Variants in ETV6 observed in about 807,000 individuals in gnomAD.
ETV6 encodes ETS variant transcription factor 6.
ETV6 carries 16 observed loss-of-function variants against 51.1 expected under a neutral mutation model. The ratio of observed to expected loss-of-function variants is 0.31; its 90% confidence interval spans 0.21 to 0.48. The LOEUF is 0.48. Ranked by LOEUF, ETV6 falls within the 20% of genes least tolerant of loss-of-function variation. The pLI, the probability that ETV6 is intolerant of heterozygous loss-of-function variation, is 0.99. For synonymous variants in ETV6, 240 were observed against 224.1 expected (o/e 1.07, Z -0.64); for missense variants, 458 against 594.8 (o/e 0.77, Z 2.39).
chr12:11,842,198 C>T (rs374473846), intron 3 of ETV6, among the ~76,000 whole-genome samples: 1 of 152,138 alleles, frequency 6.6e-6, no homozygotes, highest in African/African-American at 2.4e-5. Flanking sequence ...GAACATCACT[C>T]ACCATGCCTC....
At chr12:11,796,522 G>C (rs1945678554) in intron 2 of ETV6, among the ~76,000 whole-genome samples, 1 of 152,094 alleles carries the variant, frequency 6.6e-6, no homozygotes, top group Non-Finnish European at 1.5e-5. Context: ...AAATAAAATA[G>C]TGGAAACCAC....
intron 1 of ETV6, among the ~76,000 whole-genome samples, chr12:11,718,678 G>A (rs962440625): frequency 6.6e-6 from 1 of 151,982 alleles, no homozygotes; most frequent in African/African-American, 2.4e-5. Context: ...GGAGGCTGAG[G>A]TGGGAGGCTT....
At chr12:11,769,051 T>C (rs1945203772) in intron 2 of ETV6, 2 of 431,174 alleles carry the variant, frequency 4.6e-6, no homozygotes, top group South Asian at 3.3e-5. Flanking sequence ...GAGAAAAAAC[T>C]TGGATAATAA....
intron 1 of ETV6, among the ~76,000 whole-genome samples, chr12:11,674,056 A>C (rs896241338): frequency 2.6e-5 from 4 of 152,188 alleles, no homozygotes; most frequent in African/African-American, 9.7e-5. Flanking sequence ...TACAAATCGT[A>C]ATGCATATTT....
chr12:11,870,887 A>G (rs1468244986), intron 5 of ETV6, among the ~76,000 whole-genome samples: 1 of 152,204 alleles, frequency 6.6e-6, no homozygotes, highest in Non-Finnish European at 1.5e-5. Flanking sequence ...TTGAGCACCT[A>G]CTGTCTGCCA....
rs549855193 is a variant in ETV6 at position 11,766,067 on chromosome 12, G to A, written c.163+13488G>A. 2.6e-5 allele frequency among the ~76,000 whole-genome samples: 4 copies of A among 152,334 alleles called. No individual in the cohort carries two copies. In the South Asian group the frequency reaches 6.2e-4, roughly 24 times the overall value. On this transcript the variant is annotated intron_variant, in intron 2 of 7. Coordinates refer to ENST00000396373, the MANE Select transcript of ETV6 (RefSeq NM_001987.5). The stretch of plus-strand genomic sequence containing the variant: ...AAGGGCACGGGAGAATGAAGAAGCA[G>A]GAGGAAGGTGTGGGCCAGGGTCGGT...
At position 11,894,361 on chromosome 12, in the gene ETV6, C is replaced by T. The variant is rs145309593; in HGVS notation, c.*3315C>T. On this transcript the variant is annotated 3_prime_UTR_variant, in exon 8 of 8. Transcript: ENST00000396373. The stretch of plus-strand genomic sequence containing the variant: ...GCTAGCCAGGCAGTCTCCTCTCTAT[C>T]AGAAGAAAGCACTGGTAATTGGCTA... 7 of 233,122 alleles carry T rather than the reference C, an allele frequency of 3.0e-5. No individual in the cohort carries two copies. Among genetic ancestry groups the T allele is most frequent in the Middle Eastern group, 1.3e-3 (1 of 786 alleles). 14.4% of individuals were successfully genotyped at this position (233,122 alleles called of 1,614,324 possible). A position where few individuals can be genotyped will look rare whatever the true frequency, so the allele number is the denominator to read the frequency against.
At position 11,884,543 on chromosome 12, in the gene ETV6, A is replaced by G; in HGVS notation, c.1108A>G (p.Ile370Val). Residue 370 changes from isoleucine to valine, a missense_variant, in exon 6 of 8, where the codon ATA becomes GTA. Transcript: ENST00000396373. ...WEDKESKIFR[I>V]VDPNGLARLW... ...GGACAAAGAATCCAAAATATTCCGG[A>G]TAGTGGATCCCAACGGACTGGCTCG... 6.2e-7 allele frequency: 1 copy of G among 1,614,214 alleles called. No homozygotes were observed. Among genetic ancestry groups the G allele is most frequent in the Non-Finnish European group, 8.5e-7 (1 of 1,180,038 alleles).
intron 3 of ETV6, among the ~76,000 whole-genome samples, chr12:11,848,879 T>C (rs1446898166): frequency 5.9e-5 from 9 of 152,228 alleles, no homozygotes; most frequent in South Asian, 2.1e-4. Context: ...TTCCATTGAA[T>C]AGTACAATAG....
At chr12:11,789,095 T>C (rs1032645962) in intron 2 of ETV6, among the ~76,000 whole-genome samples, 1 of 152,110 alleles carries the variant, frequency 6.6e-6, no homozygotes, top group Non-Finnish European at 1.5e-5. Flanking sequence ...TGCAGTTGTG[T>C]GATCTCTGCT....
intron 1 of ETV6, among the ~76,000 whole-genome samples, chr12:11,696,906 G>C (rs191804552): frequency 6.6e-6 from 1 of 152,326 alleles, no homozygotes; most frequent in East Asian, 1.9e-4. Flanking sequence ...CTTGAGGGCA[G>C]AGACTATTTC....
chr12:11,665,200 G>GT (rs1864172615), intron 1 of ETV6, among the ~76,000 whole-genome samples: 1 of 152,116 alleles, frequency 6.6e-6, no homozygotes, highest in Non-Finnish European at 1.5e-5. Flanking sequence ...TAGAGACAGG[G>GT]TTTCACCAGG....
intron 1 of ETV6, among the ~76,000 whole-genome samples, chr12:11,694,203 C>T (rs922236577): frequency 1.3e-5 from 2 of 152,148 alleles, no homozygotes; most frequent in African/African-American, 2.4e-5. Context: ...AGAACACAGA[C>T]CAACATTTGG....
chr12:11,874,952 G>C (rs1024599187), intron 5 of ETV6, among the ~76,000 whole-genome samples: 5 of 149,682 alleles, frequency 3.3e-5, no homozygotes, highest in African/African-American at 1.2e-4. Context: ...TGTAAATGAC[G>C]AGTTAATGGG....
At chr12:11,696,852 T>C (rs1217568958) in intron 1 of ETV6, among the ~76,000 whole-genome samples, 4 of 152,116 alleles carry the variant, frequency 2.6e-5, no homozygotes, top group Admixed American at 2.6e-4. Flanking sequence ...AAGTTCCTTA[T>C]TATAATTACT....
chr12:11,663,227 A>G (rs1034829282), intron 1 of ETV6, among the ~76,000 whole-genome samples: 3 of 152,096 alleles, frequency 2.0e-5, no homozygotes, highest in African/African-American at 7.2e-5. Flanking sequence ...GGATTAGGGA[A>G]CGGTTCCTAG....
Position 11,891,121 on chromosome 12 carries a change from G to A in ETV6, c.*75G>A, listed in dbSNP as rs533732253. The A allele has an allele frequency of 8.3e-5, 100 of 1,201,648 alleles. 1 individual carries two copies. In the East Asian group the frequency reaches 1.3e-3, roughly 16 times the overall value. The allele number at this position is 1,201,648 out of a possible 1,614,324, so 74.4% of individuals were successfully genotyped here. A position where few individuals can be genotyped will look rare whatever the true frequency, so the allele number is the denominator to read the frequency against. On this transcript the variant is annotated 3_prime_UTR_variant, in exon 8 of 8. Transcript: ENST00000396373. ...CCACCAGGATTGCTGGAAGTGTGAC[G>A]GAGCAGGCGGGCTGAGGAGAGTGGA...
At chr12:11,709,914 T>C (rs1415973760) in intron 1 of ETV6, among the ~76,000 whole-genome samples, 51 of 152,294 alleles carry the variant, frequency 3.3e-4, no homozygotes, top group Non-Finnish European at 1.5e-4. Context: ...AAAATAAATA[T>C]CTGTGTGTGT....
rs1947281487 is a variant in ETV6 at position 11,891,168 on chromosome 12, G to A, written c.*122G>A. 1 of 717,588 alleles carries A rather than the reference G, an allele frequency of 1.4e-6. No individual in the cohort carries two copies. The allele number at this position is 717,588 out of a possible 1,614,324, so 44.5% of individuals were successfully genotyped here. ...TGGAAAAGGAAGCGACCCAGAAATG[G>A]CAGGGACACTTCTCTTGCAGACCAA... On this transcript the variant is annotated 3_prime_UTR_variant, in exon 8 of 8. Coordinates refer to ENST00000396373, the MANE Select transcript of ETV6 (RefSeq NM_001987.5).
Sources: gnomAD v4.1 joint callset for allele counts (sites outside exome capture counted in the v4.1 genomes callset) on GRCh38, gnomAD v4.1.1 for gene constraint, MANE v1.5 for transcripts, NCBI Gene and HGNC (gene_info 2026-07-23, HGNC 2026-07-21) for gene names.